The following PCDHA2 variants were observed in gnomAD, a reference collection of about 807,000 sequenced individuals.
PCDHA2 encodes the protein protocadherin alpha-2.
In PCDHA2, 58 loss-of-function variants were observed where a neutral mutation model predicts 66.0. That is an observed-to-expected ratio of 0.88 (90% CI 0.71 to 1.09). The LOEUF (loss-of-function observed/expected upper bound fraction) is 1.09. Among genes scored for constraint, PCDHA2 ranks in the 50% least tolerant of loss-of-function variants. PCDHA2 has a pLI of 0.00. For missense variants in PCDHA2, 1,267 were observed against 1,242.3 expected, an observed-to-expected ratio of 1.02 and a Z score of -0.30; for synonymous variants, 634 against 554.0, an observed-to-expected ratio of 1.14 and a Z score of -2.03.
chr5:140,948,005 T>G (rs246049), intron 1 of PCDHA2, among the ~76,000 whole-genome samples: 85,182 of 151,072 alleles, frequency 0.56, 24,606 homozygotes, highest in African/African-American at 0.69. Flanking sequence ...TTATTAAATT[T>G]AGGAAGTACC....
intron 1 of PCDHA2, chr5:140,967,795 G>A (rs1399903836): frequency 3.1e-6 from 5 of 1,614,068 alleles, no homozygotes; most frequent in Non-Finnish European, 1.7e-6. Context: ...GGGGTCCAGT[G>A]CCCATGGCAG....
chr5:140,830,035 G>A, intron 1 of PCDHA2: 1 of 1,613,880 alleles, frequency 6.2e-7, no homozygotes, highest in Non-Finnish European at 8.5e-7. Flanking sequence ...ACCGGCTGCT[G>A]GTGCTGGTGA....
intron 1 of PCDHA2, chr5:140,928,354 A>G: frequency 6.2e-7 from 1 of 1,614,150 alleles, no homozygotes; most frequent in Non-Finnish European, 8.5e-7. Flanking sequence ...GTTGGATGTT[A>G]TCTCTGAAGG....
chr5:140,916,819 C>T (rs2077741305), intron 1 of PCDHA2, among the ~76,000 whole-genome samples: 1 of 152,084 alleles, frequency 6.6e-6, no homozygotes, highest in Non-Finnish European at 1.5e-5. Context: ...CATGTGCCAC[C>T]CCTATCCCTC....
chr5:140,851,914 A>C (rs1213624827), intron 1 of PCDHA2: 2 of 969,578 alleles, frequency 2.1e-6, no homozygotes, highest in East Asian at 2.3e-4. Context: ...ATGTCACTAC[A>C]TGTTATGTTT....
chr5:140,947,872 T>C (rs2094186307), intron 1 of PCDHA2, among the ~76,000 whole-genome samples: 1 of 151,588 alleles, frequency 6.6e-6, no homozygotes, highest in Admixed American at 6.6e-5. Context: ...GGCTAGGACT[T>C]CCAGGACAAT....
Position 140,843,444 on chromosome 5 carries a change from C to G in PCDHA2, c.2388+46092C>G. The G allele has an allele frequency of 1.3e-6, 2 of 1,596,146 alleles. 1 individual carries two copies. ...CTGATCATCGCCATCTGCGCGGTAT[C>G]CAGCCTGCTGGTGCTCACGCTGCTG... On this transcript the variant is annotated intron_variant, in intron 1 of 3. Transcript: ENST00000526136.
intron 1 of PCDHA2, among the ~76,000 whole-genome samples, chr5:140,965,734 AT>A (rs2095929489): frequency 6.6e-6 from 1 of 152,220 alleles, no homozygotes; most frequent in Non-Finnish European, 1.5e-5. Flanking sequence ...ATTTTACCAG[AT>A]TTTCCCCATT....
chr5:140,858,185 C>T, intron 1 of PCDHA2: 1 of 1,597,454 alleles, frequency 6.3e-7, no homozygotes, highest in South Asian at 1.1e-5. Flanking sequence ...GGTGCTCACG[C>T]TGCTGCTGTA....
intron 1 of PCDHA2, chr5:140,851,440 C>T (rs1474204778): frequency 1.1e-6 from 1 of 926,576 alleles, no homozygotes; most frequent in South Asian, 4.9e-5. Flanking sequence ...AAAACAGTTG[C>T]TCCACTTTAG....
At chr5:140,832,575 T>G (rs1351881493) in intron 1 of PCDHA2, among the ~76,000 whole-genome samples, 1 of 152,226 alleles carries the variant, frequency 6.6e-6, no homozygotes, top group Non-Finnish European at 1.5e-5. Context: ...CAGCATACTT[T>G]CTTAGGAAGT....
At chr5:140,909,598 T>A (rs934160611) in intron 1 of PCDHA2, among the ~76,000 whole-genome samples, 1 of 152,198 alleles carries the variant, frequency 6.6e-6, no homozygotes, top group Non-Finnish European at 1.5e-5. Flanking sequence ...ATTTACTATT[T>A]TTCTAGGTAG....
intron 1 of PCDHA2, chr5:140,842,566 CGA>C: frequency 6.7e-7 from 1 of 1,503,446 alleles, no homozygotes; most frequent in Non-Finnish European, 9.0e-7. Context: ...CCCTGGACCG[CGA>C]GAGAGTGTCG....
At chr5:140,999,173 T>G (rs892201477) in intron 3 of PCDHA2, among the ~76,000 whole-genome samples, 20 of 152,158 alleles carry the variant, frequency 1.3e-4, no homozygotes, top group African/African-American at 4.3e-4. Context: ...GAAAAGAGCC[T>G]GATGGGGAGA....
chr5:140,875,932 C>T, intron 1 of PCDHA2: 3 of 1,614,154 alleles, frequency 1.9e-6, no homozygotes, highest in South Asian at 1.1e-5. Flanking sequence ...TCATTTTCCT[C>T]TAGAGGGCGC....
intron 1 of PCDHA2, chr5:140,807,310 C>T (rs1554123873): frequency 8.7e-6 from 14 of 1,613,996 alleles, no homozygotes; most frequent in South Asian, 2.2e-5. Flanking sequence ...AGGCCAAACA[C>T]GGCACCTTCG....
intron 1 of PCDHA2, among the ~76,000 whole-genome samples, chr5:140,891,266 T>G (rs1301781810): frequency 1.3e-5 from 2 of 152,188 alleles, no homozygotes; most frequent in Non-Finnish European, 2.9e-5. Context: ...ATTTTTAATT[T>G]TTCCGTAAGT....
At chr5:140,843,243 A>T in intron 1 of PCDHA2, 1 of 1,595,128 alleles carries the variant, frequency 6.3e-7, no homozygotes, top group Non-Finnish European at 8.6e-7. Flanking sequence ...GACGAAGCGG[A>T]CTCTCCGCGC....
At chr5:140,876,455 C>T (rs1554168573) in intron 1 of PCDHA2, 1 of 1,613,874 alleles carries the variant, frequency 6.2e-7, no homozygotes, top group African/African-American at 1.3e-5. Flanking sequence ...AAAGGGATTC[C>T]TTCCATGGCA....
Sources: gnomAD v4.1 joint callset for allele counts (sites outside exome capture counted in the v4.1 genomes callset) on GRCh38, gnomAD v4.1.1 for gene constraint, MANE v1.5 for transcripts, NCBI Gene and HGNC (gene_info 2026-07-23, HGNC 2026-07-21) for gene names.